The following UGT2A1 variants were observed in gnomAD, a reference collection of about 807,000 sequenced individuals.
The protein encoded by UGT2A1 is UDP-glucuronosyltransferase 2A1.
A neutral mutation model predicts 45.4 loss-of-function variants in UGT2A1; 61 were observed. That is an observed-to-expected ratio of 1.34 (90% CI 1.09 to 1.66). The LOEUF (loss-of-function observed/expected upper bound fraction) is 1.66. Among genes scored for constraint, UGT2A1 ranks in the 40% most tolerant of loss-of-function variants. UGT2A1 has a pLI of 0.00. For missense variants in UGT2A1, 649 were observed against 574.3 expected (o/e 1.13, Z -1.33); for synonymous variants, 229 against 196.2 (o/e 1.17, Z -1.40).
chr4:69,652,235 T>A (rs1350725630), intron 1 of UGT2A1, among the ~76,000 whole-genome samples: 1 of 151,898 alleles, frequency 6.6e-6, no homozygotes, highest in African/African-American at 2.4e-5. Context: ...TTAACACAAT[T>A]GGTTATTGCT....
At chr4:69,640,248 G>A (rs1419901219) in intron 2 of UGT2A1, among the ~76,000 whole-genome samples, 6 of 151,610 alleles carry the variant, frequency 4.0e-5, no homozygotes, top group Admixed American at 1.3e-4. Flanking sequence ...TTCTGACACC[G>A]GGTAATTATT....
chr4:69,600,527 T>C (rs113705233), intron 3 of UGT2A1, among the ~76,000 whole-genome samples: 1,923 of 152,276 alleles, frequency 0.013, 41 homozygotes, highest in African/African-American at 0.042. Context: ...ATCCCTACTT[T>C]AGAGGAGCAT....
chr4:69,600,077 G>GA (rs1046625037), intron 3 of UGT2A1, among the ~76,000 whole-genome samples: 5 of 152,076 alleles, frequency 3.3e-5, no homozygotes, highest in Non-Finnish European at 5.9e-5. Context: ...TAAACCCTTT[G>GA]AAAAAAGTGG....
At chr4:69,640,703 C>G (rs754926828) in intron 2 of UGT2A1, among the ~76,000 whole-genome samples, 8 of 151,750 alleles carry the variant, frequency 5.3e-5, no homozygotes, top group Non-Finnish European at 8.8e-5. Flanking sequence ...TAATTTCAGG[C>G]CCTTGAGTAA....
At chr4:69,619,925 A>G (rs1049628543) in intron 3 of UGT2A1, among the ~76,000 whole-genome samples, 3 of 151,986 alleles carry the variant, frequency 2.0e-5, no homozygotes, top group Non-Finnish European at 4.4e-5. Context: ...TAGGCACACA[A>G]AAGGCTTTTG....
chr4:69,606,207 T>C lies in UGT2A1; in HGVS notation c.848-6813A>G, dbSNP rs182354596. Among the ~76,000 whole-genome samples the C allele has an allele frequency of 6.6e-4, 90 of 135,882 alleles. 17 individuals carry two copies. The highest frequency in any genetic ancestry group is 1.9e-3 in the Admixed American group (26 of 13,836). 89.1% of individuals were successfully genotyped at this position (135,882 alleles called of 152,430 possible). A position where few individuals can be genotyped will look rare whatever the true frequency, so the allele number is the denominator to read the frequency against. ...CTGGCAAACCAAATCCAGCGGCACATCAAAAAGCTTACCCACCATGATCAA... is the reference window on the plus strand; with the variant it reads ...CTGGCAAACCAAATCCAGCGGCACACCAAAAAGCTTACCCACCATGATCAA... On this transcript the variant is annotated intron_variant, in intron 3 of 6. Coordinates refer to ENST00000286604, the MANE Select transcript of UGT2A1 (RefSeq NM_001252275.3).
chr4:69,632,433 T>C (rs930188140), intron 3 of UGT2A1, among the ~76,000 whole-genome samples: 1 of 152,166 alleles, frequency 6.6e-6, no homozygotes, highest in Non-Finnish European at 1.5e-5. Flanking sequence ...ACCCACGTTA[T>C]GATTTCTTTG....
chr4:69,624,989 G>T (rs905107929), intron 3 of UGT2A1, among the ~76,000 whole-genome samples: 6 of 143,810 alleles, frequency 4.2e-5, no homozygotes, highest in African/African-American at 1.6e-4. Context: ...TAATTTTCTT[G>T]GTTCTTGTAG....
At chr4:69,641,031 T>C (rs956354893) in intron 2 of UGT2A1, among the ~76,000 whole-genome samples, 4 of 151,916 alleles carry the variant, frequency 2.6e-5, no homozygotes, top group African/African-American at 7.2e-5. Context: ...ATACTTAGAT[T>C]TGTTCAAATA....
At chr4:69,595,294 G>A in intron 4 of UGT2A1, 45 bp from the exon 5 acceptor site, 1 of 1,599,614 alleles carries the variant, frequency 6.3e-7, no homozygotes, top group Non-Finnish European at 8.5e-7. Flanking sequence ...AACACAATGA[G>A]GACATTTTAA....
At chr4:69,612,020 T>G (rs532740434) in intron 3 of UGT2A1, among the ~76,000 whole-genome samples, 1 of 152,074 alleles carries the variant, frequency 6.6e-6, no homozygotes, top group East Asian at 1.9e-4. Flanking sequence ...AGAATTAACA[T>G]AGTCAGCACT....
At chr4:69,594,364 G>A (rs1718779679) in intron 6 of UGT2A1, 113 bp downstream of exon 6, 1 of 1,364,256 alleles carries the variant, frequency 7.3e-7, no homozygotes, top group South Asian at 1.5e-5. Flanking sequence ...ATATTGGTCA[G>A]GTTATGGTTG....
chr4:69,647,941 G>A (rs1722356772), intron 1 of UGT2A1, among the ~76,000 whole-genome samples: 1 of 151,562 alleles, frequency 6.6e-6, no homozygotes, highest in South Asian at 2.1e-4. Context: ...CCTTTTTTGT[G>A]TGTTTCATAA....
intron 3 of UGT2A1, among the ~76,000 whole-genome samples, chr4:69,621,270 A>G (rs1042280632): frequency 3.3e-5 from 5 of 152,106 alleles, no homozygotes; most frequent in Admixed American, 2.6e-4. Context: ...TCTAATATCC[A>G]GTATTTACAG....
At chr4:69,622,900 A>G (rs1720831836) in intron 3 of UGT2A1, among the ~76,000 whole-genome samples, 1 of 151,788 alleles carries the variant, frequency 6.6e-6, no homozygotes, top group African/African-American at 2.4e-5. Context: ...CTCATTTATA[A>G]TTCTGCTAAG....
chr4:69,610,980 G>T (rs1720001470), intron 3 of UGT2A1, among the ~76,000 whole-genome samples: 1 of 151,820 alleles, frequency 6.6e-6, no homozygotes, highest in South Asian at 2.1e-4. Flanking sequence ...AAAGATAATA[G>T]TTGGAGTGGA....
chr4:69,610,926 A>G (rs570096504), intron 3 of UGT2A1, among the ~76,000 whole-genome samples: 1 of 152,286 alleles, frequency 6.6e-6, no homozygotes, highest in East Asian at 1.9e-4. Flanking sequence ...TTTCATACCC[A>G]GTATAACCTT....
At chr4:69,626,996 C>T (rs1169277078) in intron 3 of UGT2A1, among the ~76,000 whole-genome samples, 1 of 151,638 alleles carries the variant, frequency 6.6e-6, no homozygotes, top group Admixed American at 6.6e-5. Flanking sequence ...AAACACTTCT[C>T]CAGTGAACGG....
chr4:69,589,256 G>T lies in UGT2A1; in HGVS notation c.*116C>A. 1 of 1,295,586 alleles carries T rather than the reference G, an allele frequency of 7.7e-7. No individual in the cohort carries two copies. The highest frequency in any genetic ancestry group is 1.0e-6 in the Non-Finnish European group (1 of 982,490). The allele number at this position is 1,295,586 out of a possible 1,614,324, so 80.3% of individuals were successfully genotyped here. A position where few individuals can be genotyped will look rare whatever the true frequency, so the allele number is the denominator to read the frequency against. ...TCGCAGGTAGAGAAATAGAAAATTT[G>T]GAAACAGGATGGGAGACGTGTTTTT... On this transcript the variant is annotated 3_prime_UTR_variant, in exon 7 of 7. Transcript: ENST00000286604.
Sources: allele counts gnomAD v4.1 joint callset (sites outside exome capture counted in the v4.1 genomes callset), GRCh38; gene constraint gnomAD v4.1.1; transcripts MANE v1.5; gene names NCBI Gene and HGNC (gene_info 2026-07-23, HGNC 2026-07-21).